IQSEC2: variants seen among roughly 807,000 people sequenced by gnomAD.
IQSEC2 encodes the protein IQ motif and Sec7 domain ArfGEF 2.
A neutral mutation model predicts 74.6 loss-of-function variants in IQSEC2; 6 were observed. The ratio of observed to expected loss-of-function variants is 0.08; its 90% CI spans 0.04 to 0.16. IQSEC2 has a LOEUF of 0.16. IQSEC2 is among the 10% of genes least tolerant of loss of function. The probability of loss-of-function intolerance (pLI) is 1.00; values close to 1 mark genes in which losing one functional copy is unlikely to be tolerated. For synonymous variants in IQSEC2, 494 were observed against 544.5 expected (o/e 0.91, Z 1.29); for missense variants, 734 against 1,306.2 (o/e 0.56, Z 6.75).
In IQSEC2 at chrX:53,257,674, G is replaced by A. The variant is rs958365825; in HGVS notation, c.738-1613C>T. Among the ~76,000 whole-genome samples the A allele has an allele frequency of 1.8e-5, 2 of 112,116 alleles. 1 individual carries two copies. Among genetic ancestry groups the A allele is most frequent in the Admixed American group, 1.9e-4 (2 of 10,600 alleles). On this transcript the variant is annotated intron_variant, in intron 2 of 14. Coordinates refer to ENST00000642864, the MANE Select transcript of IQSEC2 (RefSeq NM_001111125.3). Reference sequence around the variant, plus strand: ...CATCATCTATAACTTCCACTGCTCAGAAGAGATAGCCCAAGTCCCTTATTC... The same window carrying A: ...CATCATCTATAACTTCCACTGCTCAAAAGAGATAGCCCAAGTCCCTTATTC...
chrX:53,281,604 C>A, intron 2 of IQSEC2: 1 of 1,068,605 alleles, frequency 9.4e-7, no homozygotes, highest in Non-Finnish European at 1.2e-6. Flanking sequence ...CCCAGCCCTT[C>A]CCTAGAAGGA....
intron 2 of IQSEC2, among the ~76,000 whole-genome samples, chrX:53,259,876 G>A (rs1055393394): frequency 4.5e-5 from 5 of 112,016 alleles, no homozygotes; most frequent in East Asian, 2.8e-4. Context: ...CTTCCACAGC[G>A]CCAGATAACT....
At chrX:53,257,380 C>T (rs781882175) in intron 2 of IQSEC2, among the ~76,000 whole-genome samples, 3 of 112,654 alleles carry the variant, frequency 2.7e-5, no homozygotes, top group South Asian at 7.2e-4. Context: ...CGGGCTGCAG[C>T]GCTGTGGAGC....
chrX:53,306,258 C>T (rs1246288228), intron 1 of IQSEC2, among the ~76,000 whole-genome samples: 3 of 112,146 alleles, frequency 2.7e-5, no homozygotes, highest in Admixed American at 9.4e-5. Flanking sequence ...CAGCCAATCC[C>T]GGCAAAGCCC....
intron 4 of IQSEC2, among the ~76,000 whole-genome samples, chrX:53,252,824 A>G (rs1556864065): frequency 1.8e-5 from 2 of 112,091 alleles, no homozygotes; most frequent in Non-Finnish European, 1.9e-5. Context: ...TTACACAGCA[A>G]CAGATAACAG....
chrX:53,237,460 C>CT (rs1325802931), intron 12 of IQSEC2: 1 of 113,740 alleles, frequency 8.8e-6, no homozygotes, highest in African/African-American at 3.2e-5. Context: ...CTGCCTGCCT[C>CT]TTTCTCCTTA....
intron 10 of IQSEC2, among the ~76,000 whole-genome samples, 200 bp downstream of exon 10, chrX:53,241,584 T>G (rs1027493833): frequency 8.9e-6 from 1 of 111,921 alleles, no homozygotes; most frequent in African/African-American, 3.3e-5. Context: ...TGTGTGTCTG[T>G]TACTACCTCC....
chrX:53,252,545 G>C (rs2074408091), intron 4 of IQSEC2, among the ~76,000 whole-genome samples: 1 of 111,185 alleles, frequency 9.0e-6, no homozygotes, highest in Admixed American at 9.6e-5. Flanking sequence ...GTCCTATGGA[G>C]AGGCCCACAG....
chrX:53,261,629 T>G (rs1000852202), intron 2 of IQSEC2, among the ~76,000 whole-genome samples: 23 of 108,179 alleles, frequency 2.1e-4, no homozygotes, highest in African/African-American at 7.2e-4. Flanking sequence ...CACAAACACA[T>G]GCAGACATGC....
intron 9 of IQSEC2, among the ~76,000 whole-genome samples, chrX:53,242,433 CAAAAAAAAAAAAAA>C (rs138931001): frequency 2.8e-5 from 1 of 36,004 alleles, no homozygotes; most frequent in African/African-American, 1.0e-4. Context: ...AACTCCATGT[CAAAAAAAAAAAAAA>C]AAAAAAAAAA....
In IQSEC2 at chrX:53,235,871, AC is replaced by A. The variant is rs782107172; in HGVS notation, c.3452-40del. On this transcript the variant is annotated intron_variant, in intron 13 of 14. Coordinates refer to ENST00000642864, the MANE Select transcript of IQSEC2 (RefSeq NM_001111125.3). The stretch of plus-strand genomic sequence containing the variant: ...CAAGGAGCCCAGCGTCAGAGCAGCA[AC>A]CCCCCCCCTACCCTGCTGGGCTCCA... 8.4e-3 allele frequency: 7,871 copies of A among 939,472 alleles called. 18 individuals carry two copies. Among genetic ancestry groups the A allele is most frequent in the African/African-American group, 0.027 (1,300 of 47,987 alleles). 77.4% of individuals were successfully genotyped at this position (939,472 alleles called of 1,213,427 possible).
intron 2 of IQSEC2, chrX:53,266,899 G>T: frequency 2.2e-6 from 1 of 449,604 alleles, no homozygotes; most frequent in Non-Finnish European, 3.5e-6. Context: ...GGGGGGGTGG[G>T]TGGGGGGAAG....
In IQSEC2 at chrX:53,255,765, C is replaced by T. The variant is rs370259866; in HGVS notation, c.999+35G>A. 17 of 1,207,707 alleles carry T rather than the reference C, an allele frequency of 1.4e-5. No individual in the cohort carries two copies. In the African/African-American group the frequency reaches 1.9e-4, roughly 14 times the overall value. The stretch of plus-strand genomic sequence containing the variant: ...CCTCCCCTGGCGCTCTCTTGCATCC[C>T]GACTCCCATTCCCAACCAGATGCCT... On this transcript the variant is annotated intron_variant, in intron 3 of 14. Coordinates refer to ENST00000642864, the MANE Select transcript of IQSEC2 (RefSeq NM_001111125.3).
intron 2 of IQSEC2, among the ~76,000 whole-genome samples, chrX:53,291,675 T>A (rs782302245): frequency 1.8e-5 from 2 of 110,926 alleles, no homozygotes; most frequent in Non-Finnish European, 3.8e-5. Flanking sequence ...TCAACTAGTG[T>A]CAGAAAGACT....
chrX:53,318,129 G>GT (rs782085089), intron 1 of IQSEC2, among the ~76,000 whole-genome samples: 131 of 111,928 alleles, frequency 1.2e-3, no homozygotes, highest in African/African-American at 4.1e-3. Flanking sequence ...AGCTCCATTA[G>GT]CAACTAGTAG....
intron 6 of IQSEC2, 81 bp from the exon 7 acceptor site, chrX:53,248,317 C>G: frequency 9.1e-7 from 1 of 1,096,593 alleles, no homozygotes; most frequent in Middle Eastern, 2.6e-4. Flanking sequence ...CTCAAATGGA[C>G]CAACACCCCC....
intron 1 of IQSEC2, among the ~76,000 whole-genome samples, chrX:53,306,978 T>C (rs113398453): frequency 0.038 from 4,156 of 110,501 alleles, 205 homozygotes; most frequent in African/African-American, 0.13. Context: ...GGTAAGTATA[T>C]GACATCCTTC....
chrX:53,289,135 C>T (rs868950880), intron 2 of IQSEC2, among the ~76,000 whole-genome samples: 4 of 111,331 alleles, frequency 3.6e-5, no homozygotes, highest in East Asian at 2.8e-4. Context: ...CGCCTCTCCT[C>T]GGTGTTTCTT....
At chrX:53,281,590 C>G in intron 2 of IQSEC2, 1 of 1,093,867 alleles carries the variant, frequency 9.1e-7, no homozygotes. Context: ...ACCACCCCCT[C>G]CTCCCCAGCC....
Sources: gnomAD v4.1 joint callset for allele counts (sites outside exome capture counted in the v4.1 genomes callset) on GRCh38, gnomAD v4.1.1 for gene constraint, MANE v1.5 for transcripts, NCBI Gene and HGNC (gene_info 2026-07-23, HGNC 2026-07-21) for gene names.